ITPR2: variants seen among roughly 807,000 people sequenced by gnomAD.
The protein encoded by ITPR2 is inositol 1,4,5-trisphosphate receptor type 2.
A neutral mutation model predicts 317.1 loss-of-function variants in ITPR2; 207 were observed. That is an observed-to-expected ratio of 0.65 (90% confidence interval 0.58 to 0.73). The LOEUF is 0.73. Among genes scored for constraint, ITPR2 ranks in the 30% least tolerant of loss-of-function variants. The pLI, the probability that ITPR2 is intolerant of heterozygous loss-of-function variation, is 0.00. For synonymous variants in ITPR2, 1,156 were observed against 1,149.1 expected (o/e 1.01, Z -0.12); for missense variants, 2,613 against 3,284.0 (o/e 0.80, Z 4.99).
chr12:26,385,462 T>A (rs1221415045), intron 55 of ITPR2, among the ~76,000 whole-genome samples: 2 of 152,182 alleles, frequency 1.3e-5, no homozygotes, highest in Non-Finnish European at 2.9e-5. Flanking sequence ...ATTCCATCTT[T>A]AACTTCCTTT....
intron 2 of ITPR2, among the ~76,000 whole-genome samples, chr12:26,775,953 T>TATATATATATATATATATACATAC (rs1555189738): frequency 6.8e-6 from 1 of 147,596 alleles, no homozygotes; most frequent in Non-Finnish European, 1.5e-5. Flanking sequence ...TATATGTATA[T>TATATATATATATATATATACATAC]GTATATCCTA....
chr12:26,764,271 A>G (rs1949682927), intron 2 of ITPR2, among the ~76,000 whole-genome samples: 1 of 152,104 alleles, frequency 6.6e-6, no homozygotes, highest in Non-Finnish European at 1.5e-5. Flanking sequence ...ATAGGAAAAA[A>G]ATCTAGATGA....
chr12:26,477,071 C>T, intron 43 of ITPR2, 64 bp from the exon 44 acceptor site: 1 of 1,062,430 alleles, frequency 9.4e-7, no homozygotes, highest in East Asian at 2.5e-5. Context: ...GATTTCTCTG[C>T]ATTTGTTTTA....
At chr12:26,470,967 T>C (rs963165407) in intron 45 of ITPR2, among the ~76,000 whole-genome samples, 1 of 152,200 alleles carries the variant, frequency 6.6e-6, no homozygotes, top group Non-Finnish European at 1.5e-5. Context: ...AGAACAATTA[T>C]GTAGACATTA....
In ITPR2 at chr12:26,670,713, G is replaced by A. The variant is rs182881508; in HGVS notation, c.1410-4662C>T. Among the ~76,000 whole-genome samples the A allele has an allele frequency of 3.9e-3, 589 of 152,324 alleles. 1 individual carries two copies. The highest frequency in any genetic ancestry group is 6.1e-3 in the Non-Finnish European group (413 of 68,032). On this transcript the variant is annotated intron_variant, in intron 13 of 56. Coordinates refer to ENST00000381340, the MANE Select transcript of ITPR2 (RefSeq NM_002223.4). ...AAGCTGGACGGATAATGACTTTTAC[G>A]AGTTGAGAGAAGAAGGCTTCAGACG...
intron 2 of ITPR2, among the ~76,000 whole-genome samples, chr12:26,735,377 G>A (rs1565727095): frequency 6.6e-6 from 1 of 152,090 alleles, no homozygotes; most frequent in Non-Finnish European, 1.5e-5. Flanking sequence ...AATGGAACAG[G>A]AAGAGAAAGG....
At position 26,832,900 on chromosome 12, in the gene ITPR2, G is replaced by C. The variant is rs57502050; in HGVS notation, c.-119C>G. On this transcript the variant is annotated 5_prime_UTR_variant, in exon 1 of 57. Transcript: ENST00000381340. ...CGCGGGACTACAGCGGCCAAGAGCC[G>C]CGGCGGAGGGCACGGCCCGAGCCAC... 1 of 754,822 alleles carries C rather than the reference G, an allele frequency of 1.3e-6. No homozygotes were observed. Among genetic ancestry groups the C allele is most frequent in the Non-Finnish European group, 2.2e-6 (1 of 457,092 alleles). The allele number at this position is 754,822 out of a possible 1,614,324, so 46.8% of individuals were successfully genotyped here. A position where few individuals can be genotyped will look rare whatever the true frequency, so the allele number is the denominator to read the frequency against.
intron 23 of ITPR2, among the ~76,000 whole-genome samples, chr12:26,624,776 C>CAAA (rs141428313): frequency 8.7e-5 from 12 of 138,172 alleles, no homozygotes; most frequent in East Asian, 2.0e-4. Flanking sequence ...CGAGGTTTCT[C>CAAA]AAAAAAAAAA....
At chr12:26,481,452 C>T (rs536374118) in intron 42 of ITPR2, among the ~76,000 whole-genome samples, 8 of 152,240 alleles carry the variant, frequency 5.3e-5, no homozygotes, top group South Asian at 2.1e-4. Context: ...GAACACTGAG[C>T]GAGACACTGC....
chr12:26,586,044 T>C (rs940264055), intron 32 of ITPR2, among the ~76,000 whole-genome samples: 4 of 152,236 alleles, frequency 2.6e-5, no homozygotes, highest in African/African-American at 9.6e-5. Context: ...TCTTATTAAA[T>C]TGTTAAGAGT....
At chr12:26,636,456 T>C (rs1946869383) in intron 21 of ITPR2, among the ~76,000 whole-genome samples, 1 of 152,192 alleles carries the variant, frequency 6.6e-6, no homozygotes, top group South Asian at 2.1e-4. Context: ...ATTTAATAAA[T>C]GTTTGTCAAA....
chr12:26,457,546 G>A (rs114838179), intron 45 of ITPR2, among the ~76,000 whole-genome samples: 5,353 of 152,248 alleles, frequency 0.035, 314 homozygotes, highest in African/African-American at 0.12. Context: ...TCTACAGAAC[G>A]CGTGGATGAA....
At chr12:26,356,713 C>G (rs1308745939) in intron 55 of ITPR2, among the ~76,000 whole-genome samples, 2 of 152,148 alleles carry the variant, frequency 1.3e-5, no homozygotes, top group African/African-American at 2.4e-5. Flanking sequence ...ACATTTTTCT[C>G]ATTGATTGAT....
chr12:26,339,497 G>A lies in ITPR2; in HGVS notation c.8020-14C>T, dbSNP rs199674561. Reference sequence around the variant, plus strand: ...TTGTTCTGTCATCTGGGGGAAAAGAGAGAGTGTGTGTTCAGCGGATTTTCT... The same window carrying A: ...TTGTTCTGTCATCTGGGGGAAAAGAAAGAGTGTGTGTTCAGCGGATTTTCT... On this transcript the variant is annotated splice_polypyrimidine_tract_variant and intron_variant, in intron 56 of 56. Transcript: ENST00000381340. 8.7e-6 allele frequency: 14 copies of A among 1,610,088 alleles called. No individual in the cohort carries two copies. Among genetic ancestry groups the A allele is most frequent in the African/African-American group, 4.0e-5 (3 of 74,950 alleles).
chr12:26,562,773 G>C (rs980441790), intron 34 of ITPR2, among the ~76,000 whole-genome samples: 24 of 151,944 alleles, frequency 1.6e-4, no homozygotes, highest in African/African-American at 4.8e-4. Flanking sequence ...TTGAGGGGTG[G>C]GGGAAGGGGG....
chr12:26,701,266 T>A (rs1475784034), intron 9 of ITPR2, among the ~76,000 whole-genome samples: 1 of 152,250 alleles, frequency 6.6e-6, no homozygotes, highest in Non-Finnish European at 1.5e-5. Flanking sequence ...CGTAAGTTTT[T>A]AAGTCCATAA....
rs931787839 is a variant in ITPR2 at position 26,370,323 on chromosome 12, G to A, written c.7857+17111C>T. Among the ~76,000 whole-genome samples the A allele has an allele frequency of 9.2e-5, 14 of 152,142 alleles. 1 individual carries two copies. Reference sequence around the variant, plus strand: ...TGCTGACTCTGGGTGGTTAGCCCGGGAATTATACTGCAGTATGTTACCAGT... The same window carrying A: ...TGCTGACTCTGGGTGGTTAGCCCGGAAATTATACTGCAGTATGTTACCAGT... On this transcript the variant is annotated intron_variant, in intron 55 of 56. Coordinates refer to ENST00000381340, the MANE Select transcript of ITPR2 (RefSeq NM_002223.4).
chr12:26,792,223 A>T (rs1454123768), intron 1 of ITPR2, among the ~76,000 whole-genome samples: 1 of 152,144 alleles, frequency 6.6e-6, no homozygotes, highest in East Asian at 1.9e-4. Context: ...ACATCTGTGA[A>T]AATCACTAAG....
In ITPR2 at chr12:26,656,282, T is replaced by C. The variant is rs1272077928; in HGVS notation, c.2444+15A>G. 1 of 1,611,888 alleles carries C rather than the reference T, an allele frequency of 6.2e-7. No homozygotes were observed. Among genetic ancestry groups the C allele is most frequent in the African/African-American group, 1.3e-5 (1 of 74,894 alleles). Reference sequence around the variant, plus strand: ...TGATGAATTCCAAAGCCTCAAGACCTTTTTCCAAACATACTCATGAATTGT... The same window carrying C: ...TGATGAATTCCAAAGCCTCAAGACCCTTTTCCAAACATACTCATGAATTGT... On this transcript the variant is annotated intron_variant, in intron 19 of 56. Transcript: ENST00000381340.
Sources: allele counts gnomAD v4.1 joint callset (sites outside exome capture counted in the v4.1 genomes callset), GRCh38; gene constraint gnomAD v4.1.1; transcripts MANE v1.5; gene names NCBI Gene and HGNC (gene_info 2026-07-23, HGNC 2026-07-21).